The following GAD1 variants were observed in gnomAD, a reference collection of about 807,000 sequenced individuals.
The protein encoded by GAD1 is 67 kDa glutamic acid decarboxylase.
Under a neutral mutation model 75.2 loss-of-function variants are expected in GAD1, and 35 were observed. That is an observed-to-expected ratio of 0.47 (90% CI 0.36 to 0.62). The LOEUF (loss-of-function observed/expected upper bound fraction) is 0.62, where lower values mean the gene tolerates loss of function less well. Among genes scored for constraint, GAD1 ranks in the 20% least tolerant of loss-of-function variants. The probability of loss-of-function intolerance (pLI) is 0.00; values close to 1 mark genes in which losing one functional copy is unlikely to be tolerated. For synonymous variants in GAD1, 257 were observed against 271.9 expected (o/e 0.95, Z 0.54); for missense variants, 490 against 758.5 (o/e 0.65, Z 4.16).
At chr2:170,842,786 T>A (rs1208679221) in intron 6 of GAD1, 1 of 1,436,120 alleles carries the variant, frequency 7.0e-7, no homozygotes, top group Non-Finnish European at 9.2e-7. Context: ...GATCTTTTTG[T>A]CTTCTTTTAC....
chr2:170,850,956 G>A (rs1319806859), intron 12 of GAD1, among the ~76,000 whole-genome samples: 1 of 151,936 alleles, frequency 6.6e-6, no homozygotes, highest in African/African-American at 2.4e-5. Context: ...AGAGGTTTCA[G>A]TGAACCGAGA....
chr2:170,821,941 G>C, intron 2 of GAD1, 146 bp from the exon 3 acceptor site: 1 of 711,304 alleles, frequency 1.4e-6, no homozygotes, highest in Non-Finnish European at 2.5e-6. Flanking sequence ...TCACAGATTT[G>C]GCTCCTAGCT....
rs142906423 is a variant in GAD1 at position 170,840,189 on chromosome 2, G to A, written c.638+3306G>A. 1.2e-4 allele frequency among the ~76,000 whole-genome samples: 18 copies of A among 152,196 alleles called. No individual in the cohort carries two copies. The East Asian group carries it at 3.5e-3, about 29-fold the overall frequency. ...AGAGTGGTTCTGAAGACTAAAAATG[G>A]CTCCAGTCCTAAGTGCCTAGCGTAT... On this transcript the variant is annotated intron_variant, in intron 6 of 16. Transcript: ENST00000358196.
In GAD1 at chr2:170,818,665, G is replaced by C. The variant is rs1701778431; in HGVS notation, c.74G>C (p.Arg25Pro). ...AGADPNTTNL[R>P]PTTYDTWCGV... ...GCGGACCCCAATACCACTAACCTGC[G>C]CCCCACAAGTAGGTCCCGCCCCAAT... The change falls in exon 2 of 17, where the codon CGC (arginine) becomes CCC (proline). Residue 25 changes from arginine to proline, a missense_variant. Arg to Pro is a moderately radical substitution (Grantham distance 103, BLOSUM62 -2). Transcript: ENST00000358196. This position sits in a 1 kb window ranked among gnomAD's most constrained non-coding sequence, Gnocchi z 5.9. 2 of 1,614,116 alleles carry C rather than the reference G, an allele frequency of 1.2e-6. No homozygotes were observed. Among genetic ancestry groups the C allele is most frequent in the African/African-American group, 2.7e-5 (2 of 75,054 alleles).
chr2:170,831,733 A>C (rs1415982131), intron 5 of GAD1, among the ~76,000 whole-genome samples: 1 of 145,538 alleles, frequency 6.9e-6, no homozygotes, highest in Non-Finnish European at 1.5e-5. Flanking sequence ...AATAAATTAT[A>C]AATAATAAAT....
In GAD1 at chr2:170,845,687, G is replaced by A. The variant is rs780279882; in HGVS notation, c.868-19G>A. 5 of 1,613,762 alleles carry A rather than the reference G, an allele frequency of 3.1e-6. No individual in the cohort carries two copies. Among genetic ancestry groups the A allele is most frequent in the Admixed American group, 1.7e-5 (1 of 59,994 alleles). On this transcript the variant is annotated intron_variant, in intron 8 of 16. Coordinates refer to ENST00000358196, the MANE Select transcript of GAD1 (RefSeq NM_000817.3). ...AGGGGACTTTCCAACTTCTAACCTCGAGCCTCTGTTTGTTGCAGAGTCACT... is the reference window on the plus strand; with the variant it reads ...AGGGGACTTTCCAACTTCTAACCTCAAGCCTCTGTTTGTTGCAGAGTCACT...
chr2:170,845,800 G>C lies in GAD1; in HGVS notation c.947+15G>C. 6.2e-7 allele frequency: 1 copy of C among 1,611,086 alleles called. No individual in the cohort carries two copies. Among genetic ancestry groups the C allele is most frequent in the Non-Finnish European group, 8.5e-7 (1 of 1,177,262 alleles). ...TGCAATGAAAGGTAGGCAGGGGAGG[G>C]TGAATATTAGGTTCTTGATGTATTA... On this transcript the variant is annotated intron_variant, in intron 9 of 16. Coordinates refer to ENST00000358196, the MANE Select transcript of GAD1 (RefSeq NM_000817.3).
intron 6 of GAD1, among the ~76,000 whole-genome samples, chr2:170,838,281 G>A (rs564042514): frequency 1.3e-5 from 2 of 152,332 alleles, no homozygotes; most frequent in South Asian, 4.1e-4. Flanking sequence ...ACAGGTCAAA[G>A]ATACAGTTGC....
At chr2:170,826,966 A>G (rs561050817) in intron 3 of GAD1, among the ~76,000 whole-genome samples, 1 of 152,316 alleles carries the variant, frequency 6.6e-6, no homozygotes, top group Admixed American at 6.5e-5. Context: ...AAGTAGGCAA[A>G]GAGATATGGA....
chr2:170,843,968 A>C, intron 6 of GAD1, 77 bp from the exon 7 acceptor site: 1 of 813,356 alleles, frequency 1.2e-6, no homozygotes, highest in East Asian at 2.6e-5. Flanking sequence ...CAAATACTAA[A>C]CCAATCCTCT....
intron 12 of GAD1, 114 bp from the exon 13 acceptor site, chr2:170,852,600 G>A (rs1246789126): frequency 3.5e-6 from 3 of 851,456 alleles, no homozygotes; most frequent in South Asian, 2.8e-5. Flanking sequence ...CAATTCAGGA[G>A]AATAGGCATG....
chr2:170,822,272 T>C, intron 3 of GAD1, 123 bp downstream of exon 3: 1 of 854,630 alleles, frequency 1.2e-6, no homozygotes, highest in Non-Finnish European at 1.9e-6. Flanking sequence ...CTAATGTAAT[T>C]ACAGCCAGGA....
In GAD1 at chr2:170,853,645, G is replaced by C. The variant is rs1032191647; in HGVS notation, c.1264-228G>C. On this transcript the variant is annotated intron_variant, in intron 13 of 16. Coordinates refer to ENST00000358196, the MANE Select transcript of GAD1 (RefSeq NM_000817.3). The surrounding 1 kb of genome is among the most constrained non-coding windows in gnomAD (Gnocchi z 4.1). ...ATTTCCCCTTAGAGGGATGGCATCT[G>C]AGACGGAAAGATCATCTTCTAATCA... is the stretch of plus-strand genomic sequence containing the variant. 1 of 522,166 alleles carries C rather than the reference G, an allele frequency of 1.9e-6. No individual in the cohort carries two copies. The highest frequency in any genetic ancestry group is 3.5e-6 in the Non-Finnish European group (1 of 286,524). The allele number at this position is 522,166 out of a possible 1,614,324, so 32.3% of individuals were successfully genotyped here. A position where few individuals can be genotyped will look rare whatever the true frequency, so the allele number is the denominator to read the frequency against.
intron 2 of GAD1, among the ~76,000 whole-genome samples, chr2:170,821,409 G>A (rs568397635): frequency 2.0e-5 from 3 of 152,166 alleles, no homozygotes; most frequent in South Asian, 2.1e-4. Flanking sequence ...GACCCAAGAT[G>A]TCAGAGGGAA....
At chr2:170,845,445 C>T (rs1012135697) in intron 7 of GAD1, 61 bp from the exon 8 acceptor site, 7 of 1,402,742 alleles carry the variant, frequency 5.0e-6, no homozygotes, top group African/African-American at 1.4e-5. Context: ...GCTCAGCGTT[C>T]GTTTTTAGAA....
At chr2:170,841,035 A>G in intron 6 of GAD1, among the ~76,000 whole-genome samples, 1 of 152,164 alleles carries the variant, frequency 6.6e-6, no homozygotes, top group African/African-American at 2.4e-5. Flanking sequence ...CATGCTCAGA[A>G]TGCTCCTCTA....
upstream of GAD1, among the ~76,000 whole-genome samples, chr2:170,814,338 A>T (rs965028641): frequency 1.3e-5 from 2 of 152,188 alleles, no homozygotes; most frequent in Non-Finnish European, 2.9e-5. Context: ...AAACAGAGGC[A>T]TGGGGACCAG....
chr2:170,828,592 AC>A (rs1702112296), intron 3 of GAD1, among the ~76,000 whole-genome samples: 5 of 61,050 alleles, frequency 8.2e-5, no homozygotes, highest in African/African-American at 2.1e-4. Context: ...TGCTGTCCTC[AC>A]CCCTCCTCTT....
intron 7 of GAD1, among the ~76,000 whole-genome samples, chr2:170,844,571 G>A (rs1222473822): frequency 2.0e-5 from 3 of 151,840 alleles, no homozygotes; most frequent in African/African-American, 7.3e-5. Context: ...ACCATGCCCA[G>A]CCGTTTTAAA....
Sources: allele counts gnomAD v4.1 joint callset (sites outside exome capture counted in the v4.1 genomes callset), GRCh38; gene constraint gnomAD v4.1.1; non-coding constraint Gnocchi (gnomAD v3.1); transcripts MANE v1.5; gene names NCBI Gene and HGNC (gene_info 2026-07-23, HGNC 2026-07-21).